The following SNX29 variants were observed in gnomAD, a reference collection of about 807,000 sequenced individuals.
SNX29 encodes the protein sorting nexin-29.
Under a neutral mutation model 102.1 loss-of-function variants are expected in SNX29, and 78 were observed. The ratio of observed to expected loss-of-function variants is 0.76; its 90% confidence interval spans 0.64 to 0.92. The LOEUF is 0.92. Among genes scored for constraint, SNX29 ranks in the 40% least tolerant of loss-of-function variants. SNX29 has a pLI of 0.00. For synonymous variants in SNX29, 580 were observed against 414.5 expected (o/e 1.40, Z -4.85); for missense variants, 1,280 against 1,061.7 (o/e 1.21, Z -2.86).
intron 13 of SNX29, among the ~76,000 whole-genome samples, chr16:12,182,092 G>A (rs1303562658): frequency 6.6e-6 from 1 of 151,426 alleles, no homozygotes; most frequent in Non-Finnish European, 1.5e-5. Context: ...TTGCCATGTT[G>A]ACCAGACTGG....
chr16:12,561,744 T>A (rs12930375), intron 20 of SNX29, among the ~76,000 whole-genome samples: 1 of 151,996 alleles, frequency 6.6e-6, no homozygotes, highest in African/African-American at 2.4e-5. Context: ...AGGATGGAGA[T>A]GGAGTTTCTG....
chr16:12,550,345 G>T (rs539735324), intron 20 of SNX29, among the ~76,000 whole-genome samples: 32 of 152,246 alleles, frequency 2.1e-4, no homozygotes, highest in African/African-American at 7.7e-4. Flanking sequence ...GACCAGCCTA[G>T]CCAACAAGAG....
intron 19 of SNX29, among the ~76,000 whole-genome samples, chr16:12,480,999 C>T (rs967620096): frequency 3.9e-5 from 6 of 152,176 alleles, no homozygotes; most frequent in African/African-American, 1.4e-4. Context: ...TTCATGCTCT[C>T]CACCCTCATC....
intron 15 of SNX29, among the ~76,000 whole-genome samples, chr16:12,344,422 C>G (rs1404501145): frequency 5.3e-5 from 8 of 152,162 alleles, no homozygotes; most frequent in African/African-American, 1.7e-4. Flanking sequence ...GAACCACTAG[C>G]TAGAATATAG....
chr16:12,058,164 C>T (rs558868431), intron 8 of SNX29, among the ~76,000 whole-genome samples: 3 of 152,084 alleles, frequency 2.0e-5, no homozygotes, highest in South Asian at 4.1e-4. Flanking sequence ...AAAAACTCAA[C>T]ATTTTGCTTC....
At chr16:11,999,686 G>C (rs1195313179) in intron 2 of SNX29, among the ~76,000 whole-genome samples, 1 of 152,160 alleles carries the variant, frequency 6.6e-6, no homozygotes, top group Non-Finnish European at 1.5e-5. Context: ...CGGATCACTT[G>C]AGGTCAGGAG....
chr16:12,172,089 T>C (rs959136752), intron 13 of SNX29, among the ~76,000 whole-genome samples: 15 of 152,248 alleles, frequency 9.9e-5, no homozygotes, highest in African/African-American at 3.6e-4. Context: ...CTGGAAGTGT[T>C]ACTCTCTGTT....
chr16:12,194,454 C>T (rs2076720259), intron 13 of SNX29, among the ~76,000 whole-genome samples: 1 of 152,006 alleles, frequency 6.6e-6, no homozygotes, highest in South Asian at 2.1e-4. Flanking sequence ...TCCTTCCTAA[C>T]CTGTATGTTT....
chr16:12,506,224 G>A (rs1418050269), intron 19 of SNX29, among the ~76,000 whole-genome samples: 1 of 152,170 alleles, frequency 6.6e-6, no homozygotes, highest in African/African-American at 2.4e-5. Context: ...GCCTCCCAAA[G>A]TGCTGGGATT....
chr16:12,323,311 T>C (rs1241222318), intron 15 of SNX29, among the ~76,000 whole-genome samples: 1 of 152,080 alleles, frequency 6.6e-6, no homozygotes, highest in Non-Finnish European at 1.5e-5. Flanking sequence ...ATTCCTTTTC[T>C]CCAGTCGTGA....
intron 14 of SNX29, among the ~76,000 whole-genome samples, chr16:12,257,894 G>T (rs780161232): frequency 1.3e-5 from 2 of 151,996 alleles, no homozygotes; most frequent in Non-Finnish European, 2.9e-5. Flanking sequence ...GTGTTTTTCC[G>T]CAGACTTTGT....
chr16:12,037,491 T>C (rs1378493063), intron 4 of SNX29, among the ~76,000 whole-genome samples: 5 of 152,078 alleles, frequency 3.3e-5, no homozygotes, highest in African/African-American at 1.2e-4. Flanking sequence ...AATACTATTT[T>C]TATGTAATAT....
chr16:12,538,956 C>T (rs564022011), intron 20 of SNX29, among the ~76,000 whole-genome samples: 15 of 152,116 alleles, frequency 9.9e-5, no homozygotes, highest in Non-Finnish European at 2.9e-5. Flanking sequence ...CTGTGAAATG[C>T]TAAGGCAAGT....
chr16:11,979,094 G>C (rs1949771708), intron 1 of SNX29, among the ~76,000 whole-genome samples: 1 of 151,484 alleles, frequency 6.6e-6, no homozygotes, highest in Non-Finnish European at 1.5e-5. Context: ...GGCCAACATG[G>C]TGAAATCCCA....
chr16:12,320,448 G>C (rs1373380880), intron 15 of SNX29, among the ~76,000 whole-genome samples: 1 of 152,174 alleles, frequency 6.6e-6, no homozygotes, highest in Non-Finnish European at 1.5e-5. Flanking sequence ...GACAGGAAGC[G>C]CTCAGCCACC....
At chr16:12,567,136 G>C (rs1051911633) in intron 20 of SNX29, among the ~76,000 whole-genome samples, 4 of 152,236 alleles carry the variant, frequency 2.6e-5, no homozygotes, top group African/African-American at 9.6e-5. Context: ...CATGATTTGT[G>C]AAACTGGGCT....
intron 13 of SNX29, among the ~76,000 whole-genome samples, chr16:12,154,455 G>C (rs1163750173): frequency 1.3e-5 from 2 of 152,102 alleles, no homozygotes; most frequent in African/African-American, 4.8e-5. Context: ...CACAGCACTG[G>C]CTGTGGTTCC....
Position 12,571,577 on chromosome 16 carries a change from T to G in SNX29, c.*2948T>G, listed in dbSNP as rs544138599. The G allele has an allele frequency of 8.6e-6, 9 of 1,040,628 alleles. No homozygotes were observed. In the South Asian group the frequency reaches 1.4e-4, roughly 16 times the overall value. 64.5% of individuals were successfully genotyped at this position (1,040,628 alleles called of 1,614,324 possible). ...TCCACACCGAATCCTTCTGTCTTCA[T>G]GGCCTGCTGTGCTGAAACAGAACAG... On this transcript the variant is annotated 3_prime_UTR_variant, in exon 21 of 21. Transcript: ENST00000566228.
chr16:12,457,983 A>G (rs571320278), intron 18 of SNX29, among the ~76,000 whole-genome samples: 19 of 152,280 alleles, frequency 1.2e-4, no homozygotes, highest in Admixed American at 3.9e-4. Context: ...GAAATGTTCT[A>G]TTGTTCTGTT....
Sources: allele counts gnomAD v4.1 joint callset (sites outside exome capture counted in the v4.1 genomes callset), GRCh38; gene constraint gnomAD v4.1.1; transcripts MANE v1.5; gene names NCBI Gene and HGNC (gene_info 2026-07-23, HGNC 2026-07-21).